The following MYOT variants were observed in gnomAD, a reference collection of about 807,000 sequenced individuals.
MYOT encodes the protein 57 kDa cytoskeletal protein.
MYOT carries 36 observed loss-of-function variants against 58.0 expected under a neutral mutation model. The ratio of observed to expected loss-of-function variants is 0.62; its 90% CI spans 0.48 to 0.82. MYOT has a LOEUF of 0.82. MYOT is among the 40% of genes least tolerant of loss of function. The probability of loss-of-function intolerance (pLI) is 0.00; values close to 1 mark genes in which losing one functional copy is unlikely to be tolerated. For missense variants in MYOT, 505 were observed against 592.1 expected (o/e 0.85, Z 1.53); for synonymous variants, 218 against 204.6 (o/e 1.07, Z -0.56).
In MYOT at chr5:137,875,850, C is replaced by T. The variant is rs750122970; in HGVS notation, c.378C>T (p.Gly126=). The T allele has an allele frequency of 6.2e-7, 1 of 1,614,038 alleles. No homozygotes were observed. Among genetic ancestry groups the T allele is most frequent in the East Asian group, 2.2e-5 (1 of 44,852 alleles). ...MDSNYQQSSA[G]QPINAKPSQT... ...AAAGCTATCAACAGTCCTCAGCTGG[C>T]CAACCTATAAATGCAAAGCCATCCC... is the stretch of plus-strand genomic sequence containing the variant. The change falls in exon 3 of 10, where the codon GGC becomes GGT. Residue 126 remains glycine, a synonymous_variant. Transcript: ENST00000239926.
intron 4 of MYOT, 156 bp from the exon 5 acceptor site, chr5:137,880,660 G>A (rs1381430125): frequency 3.1e-6 from 2 of 639,838 alleles, no homozygotes; most frequent in Non-Finnish European, 5.7e-6. Flanking sequence ...TTAGTGCACT[G>A]TACTTTAAGG....
chr5:137,885,933 T>C (rs1229220246), intron 7 of MYOT, 115 bp from the exon 8 acceptor site: 5 of 666,150 alleles, frequency 7.5e-6, no homozygotes, highest in Admixed American at 5.8e-5. Context: ...TTTCTTTCTG[T>C]TGCTGTTGCT....
intron 2 of MYOT, among the ~76,000 whole-genome samples, chr5:137,872,607 C>T (rs1755085180): frequency 6.6e-6 from 1 of 152,162 alleles, no homozygotes; most frequent in Non-Finnish European, 1.5e-5. Context: ...ATTTCGTGTC[C>T]AGCTGTGCAG....
At chr5:137,880,912 T>C (rs1755409033) in intron 5 of MYOT, 47 bp downstream of exon 5, 1 of 1,283,330 alleles carries the variant, frequency 7.8e-7, no homozygotes, top group East Asian at 2.5e-5. Context: ...CTATCTAAAA[T>C]ATTTTCAGCT....
chr5:137,872,629 C>T (rs577777065), intron 2 of MYOT, among the ~76,000 whole-genome samples: 80 of 152,302 alleles, frequency 5.3e-4, no homozygotes, highest in African/African-American at 1.6e-3. Context: ...GTGGAAAGCC[C>T]TGGCCCTTTG....
chr5:137,886,864 C>T lies in MYOT; in HGVS notation c.1191C>T (p.Ser397=), dbSNP rs1430285102. 6.4e-7 allele frequency: 1 copy of T among 1,556,068 alleles called. No homozygotes were observed. Among genetic ancestry groups the T allele is most frequent in the African/African-American group, 1.4e-5 (1 of 73,702 alleles). The part of the protein sequence containing the change: ...EMVQFNTDRI[S]LYQDNTGRVT... ...CATTTCTTAAAAATTTTTATTTCAG[C>T]TTATATCAAGATAACACTGGAAGAG... Residue 397 remains serine, a splice_region_variant and synonymous_variant, in exon 9 of 10, where the codon AGC becomes AGT. Transcript: ENST00000239926.
chr5:137,877,261 A>G (rs1755257444), intron 3 of MYOT, among the ~76,000 whole-genome samples: 1 of 149,938 alleles, frequency 6.7e-6, no homozygotes, highest in Admixed American at 6.7e-5. Flanking sequence ...CCAGCTACTC[A>G]GGAGGCTGAG....
At chr5:137,878,760 T>G (rs1019356541) in intron 4 of MYOT, among the ~76,000 whole-genome samples, 1 of 151,882 alleles carries the variant, frequency 6.6e-6, no homozygotes, top group East Asian at 2.0e-4. Context: ...GAGATGGAGG[T>G]TGCAGTGAGC....
rs1561659801 is a variant in MYOT at position 137,875,866 on chromosome 5, A to G, written c.394A>G (p.Lys132Glu). 1 of 1,614,056 alleles carries G rather than the reference A, an allele frequency of 6.2e-7. No individual in the cohort carries two copies. Among genetic ancestry groups the G allele is most frequent in the Non-Finnish European group, 8.5e-7 (1 of 1,179,972 alleles). The change falls in exon 3 of 10, where the codon AAG (lysine) becomes GAG (glutamate). Residue 132 changes from lysine to glutamate, a missense_variant. By Grantham distance (56) the Lys-to-Glu change is moderately conservative (BLOSUM62 1). Transcript: ENST00000239926. ...QSSAGQPINAKPSQTANAKPI... is the reference protein window; with the variant it reads ...QSSAGQPINAEPSQTANAKPI... ...CTCAGCTGGCCAACCTATAAATGCA[A>G]AGCCATCCCAAACTGCAAATGCTAA...
chr5:137,874,085 G>A (rs537473088), intron 2 of MYOT, among the ~76,000 whole-genome samples: 3 of 152,290 alleles, frequency 2.0e-5, no homozygotes, highest in African/African-American at 7.2e-5. Context: ...GTCTCATCTG[G>A]ATAGCCAGAG....
At chr5:137,873,223 T>TA (rs35417774) in intron 2 of MYOT, among the ~76,000 whole-genome samples, 17,020 of 145,220 alleles carry the variant, frequency 0.12, 1,376 homozygotes, top group East Asian at 0.33. Context: ...CTAGCATTTT[T>TA]AAAAAAAAAA....
intron 6 of MYOT, 67 bp from the exon 7 acceptor site, chr5:137,883,317 T>G (rs1267732230): frequency 7.5e-7 from 1 of 1,340,932 alleles, no homozygotes; most frequent in Admixed American, 1.7e-5. Context: ...AATTCATATA[T>G]GGACAAATAG....
chr5:137,879,777 C>A (rs1309326582), intron 4 of MYOT, among the ~76,000 whole-genome samples: 2 of 149,458 alleles, frequency 1.3e-5, no homozygotes, highest in East Asian at 4.0e-4. Flanking sequence ...ACCTCATGAT[C>A]CACCTGCCTC....
intron 2 of MYOT, among the ~76,000 whole-genome samples, chr5:137,875,137 A>G (rs1391317043): frequency 6.6e-6 from 1 of 152,218 alleles, no homozygotes; most frequent in Non-Finnish European, 1.5e-5. Flanking sequence ...CCATAAATCA[A>G]ACAAGAAATT....
intron 5 of MYOT, 151 bp from the exon 6 acceptor site, chr5:137,881,822 G>C: frequency 2.6e-6 from 2 of 776,718 alleles, no homozygotes; most frequent in South Asian, 1.6e-5. Context: ...TTAGCCTCCT[G>C]AGTGAGCTGA....
At chr5:137,871,078 T>C in intron 2 of MYOT, 71 bp downstream of exon 2, 1 of 1,292,226 alleles carries the variant, frequency 7.7e-7, no homozygotes, top group East Asian at 2.5e-5. Flanking sequence ...GGTAGGAGTT[T>C]TGGGGGTATG....
At chr5:137,876,055 A>AT in intron 3 of MYOT, 52 bp downstream of exon 3, 2 of 1,578,824 alleles carry the variant, frequency 1.3e-6, no homozygotes, top group Non-Finnish European at 1.7e-6. Context: ...ATAAAATCTA[A>AT]TTTTAATAAG....
At chr5:137,870,006 C>T (rs1754988497) in intron 1 of MYOT, among the ~76,000 whole-genome samples, 1 of 151,424 alleles carries the variant, frequency 6.6e-6, no homozygotes, top group Admixed American at 6.6e-5. Flanking sequence ...GCAATCCACT[C>T]AGCTGGGTGC....
chr5:137,880,957 C>A (rs1755410554), intron 5 of MYOT, 92 bp downstream of exon 5: 4 of 917,380 alleles, frequency 4.4e-6, no homozygotes, highest in Non-Finnish European at 6.8e-6. Flanking sequence ...CTCGAGCCTA[C>A]TCTATACCTT....
Sources: allele counts gnomAD v4.1 joint callset (sites outside exome capture counted in the v4.1 genomes callset), GRCh38; gene constraint gnomAD v4.1.1; transcripts MANE v1.5; gene names NCBI Gene and HGNC (gene_info 2026-07-23, HGNC 2026-07-21).